Variants in SLC35F3 observed in about 807,000 individuals in gnomAD.
The protein encoded by SLC35F3 is putative thiamine transporter SLC35F3.
SLC35F3 carries 25 observed loss-of-function variants against 49.9 expected under a neutral mutation model. The ratio of observed to expected loss-of-function variants is 0.50; its 90% CI spans 0.37 to 0.70. The LOEUF (loss-of-function observed/expected upper bound fraction) is 0.70, where lower values mean the gene tolerates loss of function less well. Among genes scored for constraint, SLC35F3 ranks in the 30% least tolerant of loss-of-function variants. The pLI, the probability that SLC35F3 is intolerant of heterozygous loss-of-function variation, is 0.00. For missense variants in SLC35F3, 525 were observed against 639.8 expected (o/e 0.82, Z 1.94); for synonymous variants, 275 against 265.4 (o/e 1.04, Z -0.35).
At chr1:234,293,053 A>G (rs1361934482) in intron 3 of SLC35F3, among the ~76,000 whole-genome samples, 1 of 152,230 alleles carries the variant, frequency 6.6e-6, no homozygotes, top group Non-Finnish European at 1.5e-5. Context: ...TCCGGTTCCC[A>G]AAAAGGGCAC....
At chr1:234,049,339 G>GCT (rs948078314) in intron 2 of SLC35F3, among the ~76,000 whole-genome samples, 2 of 151,838 alleles carry the variant, frequency 1.3e-5, no homozygotes, top group Non-Finnish European at 2.9e-5. Context: ...GCTCACTCTT[G>GCT]CTCTCTCTCT....
At chr1:234,066,852 ACACACACACAC>A (rs1664628948) in intron 2 of SLC35F3, among the ~76,000 whole-genome samples, 2 of 150,078 alleles carry the variant, frequency 1.3e-5, no homozygotes, top group Non-Finnish European at 1.5e-5. Context: ...ACACACACAC[ACACACACACAC>A]ACACACACAC....
In SLC35F3 at chr1:234,053,423, T is replaced by A. The variant is rs558869839; in HGVS notation, c.283+147665T>A. Among the ~76,000 whole-genome samples the A allele has an allele frequency of 4.9e-4, 74 of 152,332 alleles. 2 individuals carry two copies. In the South Asian group the frequency reaches 0.011, roughly 23 times the overall value. On this transcript the variant is annotated intron_variant, in intron 2 of 7. Coordinates refer to ENST00000366618, the MANE Select transcript of SLC35F3 (RefSeq NM_173508.4). ...TTTGTGTCTTTTGAGCTTTGTTGGTTTAAAGTCTGTTTTATCAGAGACTAG... is the reference window on the plus strand; with the variant it reads ...TTTGTGTCTTTTGAGCTTTGTTGGTATAAAGTCTGTTTTATCAGAGACTAG...
At chr1:234,168,649 G>T (rs573628588) in intron 2 of SLC35F3, among the ~76,000 whole-genome samples, 1 of 152,366 alleles carries the variant, frequency 6.6e-6, no homozygotes, top group African/African-American at 2.4e-5. Flanking sequence ...CTGAGTGCCT[G>T]CCAGGAAATG....
chr1:234,070,774 T>C (rs1388890420), intron 2 of SLC35F3, among the ~76,000 whole-genome samples: 1 of 152,190 alleles, frequency 6.6e-6, no homozygotes, highest in Non-Finnish European at 1.5e-5. Context: ...TGTAAGGTTA[T>C]AATTGACATA....
chr1:234,291,444 C>G (rs991681931), intron 3 of SLC35F3, among the ~76,000 whole-genome samples: 1 of 152,100 alleles, frequency 6.6e-6, no homozygotes, highest in Non-Finnish European at 1.5e-5. Context: ...AAAAATGGAG[C>G]AGGGTAGCAC....
chr1:234,108,735 ATC>A (rs569992184), intron 2 of SLC35F3, among the ~76,000 whole-genome samples: 20,276 of 86,694 alleles, frequency 0.23, 3,448 homozygotes, highest in Non-Finnish European at 0.3. Context: ...AAATATATAT[ATC>A]TTTTATATAT....
intron 2 of SLC35F3, among the ~76,000 whole-genome samples, chr1:234,176,475 G>A (rs753988829): frequency 2.0e-5 from 3 of 152,152 alleles, no homozygotes; most frequent in Non-Finnish European, 4.4e-5. Context: ...GGACCCCAGA[G>A]CCCCCTCACC....
intron 2 of SLC35F3, among the ~76,000 whole-genome samples, chr1:233,934,544 T>G (rs905844910): frequency 1.3e-5 from 2 of 152,182 alleles, no homozygotes; most frequent in Non-Finnish European, 2.9e-5. Context: ...ACAGAGATAT[T>G]TTAATGAGCT....
At chr1:233,926,682 A>T (rs1662166010) in intron 2 of SLC35F3, among the ~76,000 whole-genome samples, 1 of 152,162 alleles carries the variant, frequency 6.6e-6, no homozygotes, top group Non-Finnish European at 1.5e-5. Flanking sequence ...CGTTGCTGGC[A>T]AGGAGCTGCG....
intron 2 of SLC35F3, among the ~76,000 whole-genome samples, chr1:234,177,540 C>T (rs1447368634): frequency 1.3e-5 from 2 of 152,080 alleles, no homozygotes; most frequent in Non-Finnish European, 2.9e-5. Context: ...GTGTCGAAGC[C>T]CCCAATGCAA....
chr1:234,175,445 AC>A (rs1394765391), intron 2 of SLC35F3, among the ~76,000 whole-genome samples: 1 of 152,098 alleles, frequency 6.6e-6, no homozygotes, highest in East Asian at 1.9e-4. Context: ...CATCCCAAAA[AC>A]CTATTTAAAT....
intron 2 of SLC35F3, among the ~76,000 whole-genome samples, chr1:233,950,439 G>GA (rs1421206859): frequency 8.0e-6 from 1 of 124,746 alleles, no homozygotes; most frequent in East Asian, 2.3e-4. Flanking sequence ...GGTCAGCAAA[G>GA]AAATGTTTCC....
At chr1:234,088,647 C>T (rs563602360) in intron 2 of SLC35F3, among the ~76,000 whole-genome samples, 1 of 152,196 alleles carries the variant, frequency 6.6e-6, no homozygotes, top group Non-Finnish European at 1.5e-5. Context: ...TTTAAGCATG[C>T]ATTTTGTGTT....
At chr1:234,161,357 T>C (rs1316159086) in intron 2 of SLC35F3, among the ~76,000 whole-genome samples, 5 of 152,138 alleles carry the variant, frequency 3.3e-5, no homozygotes, top group Non-Finnish European at 7.3e-5. Flanking sequence ...AATCCAAATC[T>C]GTCTTTCTGC....
In SLC35F3 at chr1:233,905,681, G is replaced by A. The variant is rs1661764246; in HGVS notation, c.206G>A (p.Gly69Glu). 6.2e-7 allele frequency: 1 copy of A among 1,614,076 alleles called. No homozygotes were observed. The highest frequency in any genetic ancestry group is 1.7e-5 in the Admixed American group (1 of 60,014). Residue 69 changes from glycine to glutamate, a missense_variant, in exon 2 of 8, where the codon GGG becomes GAG. Physicochemically the swap from Gly to Glu is moderately conservative, Grantham distance 98 (BLOSUM62 -2). Coordinates refer to ENST00000366618, the MANE Select transcript of SLC35F3 (RefSeq NM_173508.4). ...GAGGATCTCACCAGCGGGCCGGTGG[G>A]GCTCACGTCCATCGAGGAGCGGATC... ...SVEDLTSGPVGLTSIEERILR... is the reference protein window; with the variant it reads ...SVEDLTSGPVELTSIEERILR...
At position 234,051,843 on chromosome 1, in the gene SLC35F3, G is replaced by A. The variant is rs187118190; in HGVS notation, c.283+146085G>A. Among the ~76,000 whole-genome samples the A allele has an allele frequency of 7.2e-5, 11 of 152,204 alleles. No individual in the cohort carries two copies. In the South Asian group the frequency reaches 1.5e-3, roughly 20 times the overall value. On this transcript the variant is annotated intron_variant, in intron 2 of 7. Coordinates refer to ENST00000366618, the MANE Select transcript of SLC35F3 (RefSeq NM_173508.4). ...ATACCTAGTTTATTGAGAGTTTTTCGCATGAAGCACTGTTGAATTCTGTTG... is the reference window on the plus strand; with the variant it reads ...ATACCTAGTTTATTGAGAGTTTTTCACATGAAGCACTGTTGAATTCTGTTG...
chr1:234,016,573 A>G (rs1572020598), intron 2 of SLC35F3, among the ~76,000 whole-genome samples: 1 of 152,222 alleles, frequency 6.6e-6, no homozygotes, highest in African/African-American at 2.4e-5. Context: ...GTGACCTCAT[A>G]CTTCTGTGTG....
At chr1:234,054,125 T>C (rs1664421067) in intron 2 of SLC35F3, among the ~76,000 whole-genome samples, 2 of 152,190 alleles carry the variant, frequency 1.3e-5, no homozygotes, top group Non-Finnish European at 2.9e-5. Flanking sequence ...TGTCTTGGAG[T>C]TGCTCCTCTC....
Sources: allele counts gnomAD v4.1 joint callset (sites outside exome capture counted in the v4.1 genomes callset), GRCh38; gene constraint gnomAD v4.1.1; transcripts MANE v1.5; gene names NCBI Gene and HGNC (gene_info 2026-07-23, HGNC 2026-07-21).